The following EPSTI1 variants were observed in gnomAD, a reference collection of about 807,000 sequenced individuals.
The protein encoded by EPSTI1 is epithelial stromal interaction 1.
A neutral mutation model predicts 49.9 loss-of-function variants in EPSTI1; 66 were observed. That is an observed-to-expected ratio of 1.32 (90% CI 1.08 to 1.62). The LOEUF is 1.62. EPSTI1 is among the 40% of genes most tolerant of loss of function. The pLI is 0.00. For missense variants in EPSTI1, 394 were observed against 365.5 expected (o/e 1.08, Z -0.64); for synonymous variants, 137 against 130.7 (o/e 1.05, Z -0.33).
Position 42,992,048 on chromosome 13 carries a change from G to A in EPSTI1, c.118C>T (p.Gln40Ter). 6.2e-7 allele frequency: 1 copy of A among 1,613,444 alleles called. No homozygotes were observed. The highest frequency in any genetic ancestry group is 8.5e-7 in the Non-Finnish European group (1 of 1,180,030). Residue 40 changes from glutamine to a stop codon, truncating the protein, a stop_gained, in exon 1 of 11, where the codon CAG becomes TAG. Transcript: ENST00000313624. LOFTEE classifies it high-confidence loss of function. ...RQGELSPVED[Q>*]REGLEAAPKG... ...GGGGCTGCCTCCAAACCCTCTCTCT[G>A]GTCTTCCACGGGGCTCAGCTCCCCT...
intron 6 of EPSTI1, among the ~76,000 whole-genome samples, chr13:42,936,088 T>C (rs2038553807): frequency 6.6e-6 from 1 of 152,174 alleles, no homozygotes; most frequent in African/African-American, 2.4e-5. Context: ...GGAGAAGTAC[T>C]CTCCTTTTAA....
chr13:42,887,996 G>A lies in EPSTI1; in HGVS notation c.*498C>T. 3.3e-6 allele frequency: 1 copy of A among 302,318 alleles called. No individual in the cohort carries two copies. The allele number at this position is 302,318 out of a possible 1,614,324, so 18.7% of individuals were successfully genotyped here. On this transcript the variant is annotated 3_prime_UTR_variant, in exon 11 of 11. Transcript: ENST00000313624. ...AAAATGACCCATTTATACAGAAGGAGTTCAAAATTTATTTATAAATTTGTG... is the reference window on the plus strand; with the variant it reads ...AAAATGACCCATTTATACAGAAGGAATTCAAAATTTATTTATAAATTTGTG...
At chr13:42,919,365 T>C in intron 7 of EPSTI1, 2 of 1,603,482 alleles carry the variant, frequency 1.2e-6, no homozygotes, top group Non-Finnish European at 1.7e-6. Context: ...AATAAATTGA[T>C]CACTATTTTT....
chr13:42,969,118 CCGGTTTAGCTCTGTTCTG>C lies in EPSTI1; in HGVS notation c.289_306del (p.Gln97_Pro102del). ...CCTAGCCGTCTGGGCACCAGGTGAA[CCGGTTTAGCTCTGTTCTG>C]CTCCTTCCACTTCTCCAGGTTGGCC... On this transcript the variant is annotated inframe_deletion, in exon 3 of 11. Coordinates refer to ENST00000313624, the MANE Select transcript of EPSTI1 (RefSeq NM_033255.5). 1 of 1,614,162 alleles carries C rather than the reference CCGGTTTAGCTCTGTTCTG, an allele frequency of 6.2e-7. No homozygotes were observed. The highest frequency in any genetic ancestry group is 1.7e-5 in the Admixed American group (1 of 60,018).
Position 42,922,835 on chromosome 13 carries a change from A to T in EPSTI1, c.657+3501T>A, listed in dbSNP as rs1419041063. Among the ~76,000 whole-genome samples, 2 of 152,208 alleles carry T rather than the reference A, an allele frequency of 1.3e-5. No homozygotes were observed. The highest frequency in any genetic ancestry group is 2.4e-5 in the African/African-American group (1 of 41,454). Reference sequence around the variant, plus strand: ...AGAGCTGGAGAGGCATGAGCTATAGAGCTTGGCCCCTCAGACATTAACGTG... The same window carrying T: ...AGAGCTGGAGAGGCATGAGCTATAGTGCTTGGCCCCTCAGACATTAACGTG... On this transcript the variant is annotated intron_variant, in intron 7 of 10. Transcript: ENST00000313624. This position sits in a 1 kb window ranked among gnomAD's most constrained non-coding sequence, Gnocchi z 4.8.
In EPSTI1 at chr13:42,975,036, T is replaced by C. The variant is rs970469582; in HGVS notation, c.189-4366A>G. On this transcript the variant is annotated intron_variant, in intron 1 of 10. Transcript: ENST00000313624. ...GTTTTCATAGTTCAAGAAAATCTTA[T>C]CCTTGGGTATATATAAATTGAAAAA... Among the ~76,000 whole-genome samples the C allele has an allele frequency of 4.6e-5, 7 of 152,172 alleles. No individual in the cohort carries two copies. In the East Asian group the frequency reaches 1.3e-3, roughly 29 times the overall value.
intron 9 of EPSTI1, among the ~76,000 whole-genome samples, chr13:42,898,229 C>T (rs1425514450): frequency 6.6e-6 from 1 of 152,164 alleles, no homozygotes; most frequent in Non-Finnish European, 1.5e-5. Flanking sequence ...AGCACGTTGT[C>T]CTTTTGATGC....
chr13:42,887,967 A>G lies in EPSTI1; in HGVS notation c.*527T>C. 4.4e-6 allele frequency: 1 copy of G among 228,266 alleles called. No homozygotes were observed. The highest frequency in any genetic ancestry group is 8.4e-6 in the Non-Finnish European group (1 of 118,576). 14.1% of individuals were successfully genotyped at this position (228,266 alleles called of 1,614,324 possible). ...AAAACCCCAATAACTTTTCATTAAA[A>G]ATAAAAATGACCCATTTATACAGAA... On this transcript the variant is annotated 3_prime_UTR_variant, in exon 11 of 11. Transcript: ENST00000313624.
intron 6 of EPSTI1, among the ~76,000 whole-genome samples, chr13:42,933,656 T>C (rs2038454865): frequency 6.6e-6 from 1 of 152,206 alleles, no homozygotes; most frequent in Non-Finnish European, 1.5e-5. Context: ...GTGGGTATCA[T>C]GTAATTGGCA....
intron 8 of EPSTI1, among the ~76,000 whole-genome samples, chr13:42,903,235 A>T (rs2037410413): frequency 6.6e-6 from 1 of 152,178 alleles, no homozygotes; most frequent in Admixed American, 6.5e-5. Context: ...TTTTAAGATA[A>T]TTTTTTCAGA....
Position 42,911,662 on chromosome 13 carries a change from C to T in EPSTI1, c.741+5879G>A, listed in dbSNP as rs140933671. On this transcript the variant is annotated intron_variant, in intron 8 of 10. Transcript: ENST00000313624. ...CTTTTCCAAATCTATGGTTCTAGTC[C>T]CTCATTTCTAATGCCGTGTATTTGC... Among the ~76,000 whole-genome samples the T allele has an allele frequency of 1.7e-3, 251 of 152,034 alleles. 4 individuals are homozygous for T. Among genetic ancestry groups the T allele is most frequent in the African/African-American group, 5.8e-3 (242 of 41,476 alleles).
chr13:42,955,229 CAA>C (rs1172402793), intron 5 of EPSTI1, among the ~76,000 whole-genome samples: 5 of 152,088 alleles, frequency 3.3e-5, no homozygotes, highest in African/African-American at 1.2e-4. Context: ...CTGATGAGCA[CAA>C]AAGTGTTCAA....
At chr13:42,944,959 T>C (rs1016091445) in intron 6 of EPSTI1, among the ~76,000 whole-genome samples, 10 of 152,168 alleles carry the variant, frequency 6.6e-5, no homozygotes, top group African/African-American at 2.2e-4. Flanking sequence ...TCCTTCTAGA[T>C]AGAATTGATT....
At position 42,888,321 on chromosome 13, in the gene EPSTI1, A is replaced by G; in HGVS notation, c.*173T>C. On this transcript the variant is annotated 3_prime_UTR_variant, in exon 11 of 11. Coordinates refer to ENST00000313624, the MANE Select transcript of EPSTI1 (RefSeq NM_033255.5). The stretch of plus-strand genomic sequence containing the variant: ...AGTTCAGGAATCAGCTCCTCCAAAC[A>G]TGCATAAATGAGGACAAGGAGAAGC... The G allele has an allele frequency of 6.2e-7, 1 of 1,614,102 alleles. No homozygotes were observed. The highest frequency in any genetic ancestry group is 8.5e-7 in the Non-Finnish European group (1 of 1,179,976).
At chr13:42,903,185 C>CATAT (rs150060203) in intron 8 of EPSTI1, among the ~76,000 whole-genome samples, 1 of 150,258 alleles carries the variant, frequency 6.7e-6, no homozygotes, top group Non-Finnish European at 1.5e-5. Flanking sequence ...AAAATACATA[C>CATAT]ATATATATAT....
intron 7 of EPSTI1, among the ~76,000 whole-genome samples, chr13:42,923,744 C>G (rs2153420868): frequency 6.6e-6 from 1 of 152,274 alleles, no homozygotes; most frequent in South Asian, 2.1e-4. Flanking sequence ...GTAAATATCT[C>G]TTGTCTGAAG....
chr13:42,991,868 C>G, intron 1 of EPSTI1, 110 bp downstream of exon 1: 1 of 1,210,058 alleles, frequency 8.3e-7, no homozygotes, highest in Non-Finnish European at 1.2e-6. Flanking sequence ...CAGTCAAAAT[C>G]CCTGTTGTTG....
chr13:42,991,952 C>T, intron 1 of EPSTI1, 26 bp downstream of exon 1: 1 of 1,611,986 alleles, frequency 6.2e-7, no homozygotes, highest in Non-Finnish European at 8.5e-7. Context: ...GCTCCCGCCC[C>T]GAAGCCAGGT....
At chr13:42,895,949 C>T (rs879311408) in intron 9 of EPSTI1, among the ~76,000 whole-genome samples, 36 of 152,296 alleles carry the variant, frequency 2.4e-4, no homozygotes, top group Admixed American at 2.2e-3. Flanking sequence ...AGGAACCAGT[C>T]ACATGAGCCT....
Sources: gnomAD v4.1 joint callset for allele counts (sites outside exome capture counted in the v4.1 genomes callset) on GRCh38, gnomAD v4.1.1 for gene constraint, Gnocchi (gnomAD v3.1) non-coding constraint, MANE v1.5 for transcripts, NCBI Gene and HGNC (gene_info 2026-07-23, HGNC 2026-07-21) for gene names.